Variants in GRID1 observed in about 807,000 individuals in gnomAD.
The protein encoded by GRID1 is glutamate ionotropic receptor delta type subunit 1.
GRID1 carries 28 observed loss-of-function variants against 98.0 expected under a neutral mutation model. The ratio of observed to expected loss-of-function variants is 0.29; its 90% CI spans 0.21 to 0.39. GRID1 has a LOEUF of 0.39. GRID1 is among the 10% of genes least tolerant of loss of function. GRID1 has a pLI of 1.00. For missense variants in GRID1, 1,111 were observed against 1,340.5 expected, an observed-to-expected ratio of 0.83 and a Z score of 2.67; for synonymous variants, 553 against 538.5, an observed-to-expected ratio of 1.03 and a Z score of -0.37.
chr10:85,878,646 G>C (rs907699190), intron 5 of GRID1, among the ~76,000 whole-genome samples: 1 of 152,144 alleles, frequency 6.6e-6, no homozygotes, highest in East Asian at 1.9e-4. Context: ...GGAACAACCG[G>C]TACCAGCCAC....
chr10:86,069,404 T>G (rs1478581740), intron 4 of GRID1, among the ~76,000 whole-genome samples: 1 of 152,162 alleles, frequency 6.6e-6, no homozygotes, highest in Non-Finnish European at 1.5e-5. Flanking sequence ...ATCCCAGCAC[T>G]TTGGGAGGCC....
intron 13 of GRID1, among the ~76,000 whole-genome samples, chr10:85,625,492 G>A (rs757092735): frequency 5.4e-4 from 82 of 152,200 alleles, no homozygotes; most frequent in Admixed American, 9.8e-4. Flanking sequence ...AAAAAGAATA[G>A]ATGCAGGAAC....
At chr10:85,739,466 T>C (rs1478986289) in intron 8 of GRID1, among the ~76,000 whole-genome samples, 1 of 152,000 alleles carries the variant, frequency 6.6e-6, no homozygotes. Context: ...GCACCTGTAG[T>C]CCCAGATACT....
chr10:85,773,550 G>A (rs1470745397), intron 8 of GRID1, among the ~76,000 whole-genome samples: 6 of 152,184 alleles, frequency 3.9e-5, no homozygotes, highest in East Asian at 1.9e-4. Flanking sequence ...GTTTGCAGAT[G>A]ACATGATTGT....
chr10:86,019,831 T>C (rs568776082), intron 4 of GRID1, among the ~76,000 whole-genome samples: 2 of 152,338 alleles, frequency 1.3e-5, no homozygotes, highest in Admixed American at 6.5e-5. Flanking sequence ...TCAGCATGTA[T>C]ACCCAGGGCC....
intron 12 of GRID1, among the ~76,000 whole-genome samples, chr10:85,661,287 C>T (rs117773174): frequency 0.033 from 4,959 of 152,078 alleles, 126 homozygotes; most frequent in Middle Eastern, 0.048. Flanking sequence ...GACAGAAACC[C>T]GCTGGACAAG....
At chr10:85,977,490 G>A (rs1390234272) in intron 4 of GRID1, among the ~76,000 whole-genome samples, 1 of 152,222 alleles carries the variant, frequency 6.6e-6, no homozygotes, top group Non-Finnish European at 1.5e-5. Context: ...CCCATGGGCA[G>A]TGAGCTTGAA....
intron 12 of GRID1, among the ~76,000 whole-genome samples, chr10:85,686,845 A>G (rs1042897161): frequency 7.2e-5 from 11 of 152,152 alleles, no homozygotes; most frequent in Non-Finnish European, 1.3e-4. Context: ...TGAGATGTGA[A>G]CTATGATAAA....
chr10:86,049,098 C>T (rs1843464618), intron 4 of GRID1, among the ~76,000 whole-genome samples: 1 of 152,220 alleles, frequency 6.6e-6, no homozygotes, highest in African/African-American at 2.4e-5. Context: ...GGAAGTTAAG[C>T]AACTTGGTAC....
At chr10:85,738,810 T>C (rs1159142470) in intron 8 of GRID1, among the ~76,000 whole-genome samples, 1 of 152,170 alleles carries the variant, frequency 6.6e-6, no homozygotes, top group Non-Finnish European at 1.5e-5. Context: ...TTATAGGTAC[T>C]GAAAATAGAT....
At chr10:85,854,436 G>A (rs575241669) in intron 8 of GRID1, 60 bp downstream of exon 8, 3 of 1,547,496 alleles carry the variant, frequency 1.9e-6, no homozygotes, top group Non-Finnish European at 2.7e-6. Context: ...CCCTGTAGCT[G>A]TTGCTGTCTT....
At chr10:85,888,843 A>G (rs1237772700) in intron 5 of GRID1, among the ~76,000 whole-genome samples, 1 of 151,838 alleles carries the variant, frequency 6.6e-6, no homozygotes, top group African/African-American at 2.4e-5. Flanking sequence ...TGCTTCTGCC[A>G]TAGAAAATTC....
intron 5 of GRID1, among the ~76,000 whole-genome samples, chr10:85,871,077 G>A (rs1843273946): frequency 1.3e-5 from 2 of 152,014 alleles, no homozygotes; most frequent in Non-Finnish European, 2.9e-5. Flanking sequence ...ACATACAGAC[G>A]CCCCTCAACT....
chr10:85,838,148 A>T (rs1020350647), intron 8 of GRID1, among the ~76,000 whole-genome samples: 1 of 152,176 alleles, frequency 6.6e-6, no homozygotes, highest in Non-Finnish European at 1.5e-5. Flanking sequence ...ACCATCAAGA[A>T]ATATGGGATT....
rs1274235892 is a variant in GRID1 at position 86,365,508 on chromosome 10, T to A, written c.79+806A>T. Among the ~76,000 whole-genome samples the A allele has an allele frequency of 6.7e-6, 1 of 148,668 alleles. No homozygotes were observed. Among genetic ancestry groups the A allele is most frequent in the Admixed American group, 6.7e-5 (1 of 15,000 alleles). ...CTGCGCTTTCATCTTCTCTCCCGGTTCTCTCTCTCTATCCATCTCTTCCCG... is the reference window on the plus strand; with the variant it reads ...CTGCGCTTTCATCTTCTCTCCCGGTACTCTCTCTCTATCCATCTCTTCCCG... On this transcript the variant is annotated intron_variant, in intron 1 of 15. Coordinates refer to ENST00000327946, the MANE Select transcript of GRID1 (RefSeq NM_017551.3). The surrounding 1 kb of genome is among the most constrained non-coding windows in gnomAD (Gnocchi z 4.8).
At chr10:86,269,349 ACACT>A (rs543370939) in intron 2 of GRID1, among the ~76,000 whole-genome samples, 1 of 152,116 alleles carries the variant, frequency 6.6e-6, no homozygotes, top group Non-Finnish European at 1.5e-5. Flanking sequence ...ATCTAAGATG[ACACT>A]CACTCACACA....
At chr10:85,733,821 G>GT (rs1841850745) in intron 8 of GRID1, among the ~76,000 whole-genome samples, 1 of 152,060 alleles carries the variant, frequency 6.6e-6, no homozygotes, top group African/African-American at 2.4e-5. Flanking sequence ...AAAAGCAGTG[G>GT]TAAAAACGGG....
intron 4 of GRID1, among the ~76,000 whole-genome samples, chr10:86,001,400 G>A (rs549614031): frequency 1.3e-5 from 2 of 152,268 alleles, no homozygotes; most frequent in Non-Finnish European, 2.9e-5. Flanking sequence ...AGAAGATACA[G>A]AAGGAAGATT....
chr10:86,345,942 A>T (rs1589456850), intron 2 of GRID1, among the ~76,000 whole-genome samples: 1 of 152,166 alleles, frequency 6.6e-6, no homozygotes, highest in South Asian at 2.1e-4. Context: ...TCTTCACCTG[A>T]CCAACCACTG....
Sources: allele counts gnomAD v4.1 joint callset (sites outside exome capture counted in the v4.1 genomes callset), GRCh38; gene constraint gnomAD v4.1.1; non-coding constraint Gnocchi (gnomAD v3.1); transcripts MANE v1.5; gene names NCBI Gene and HGNC (gene_info 2026-07-23, HGNC 2026-07-21).